Variants in WIPF3 observed in about 807,000 individuals in gnomAD.
The protein encoded by WIPF3 is WAS/WASL-interacting protein family member 3.
WIPF3 carries 33 observed loss-of-function variants against 38.9 expected under a neutral mutation model. That is an observed-to-expected ratio of 0.85 (90% CI 0.64 to 1.14). The LOEUF (loss-of-function observed/expected upper bound fraction) is 1.14, where lower values mean the gene tolerates loss of function less well. Among genes scored for constraint, WIPF3 ranks in the 50% most tolerant of loss-of-function variants. The probability of loss-of-function intolerance (pLI) is 0.00; values close to 1 mark genes in which losing one functional copy is unlikely to be tolerated. For synonymous variants in WIPF3, 324 were observed against 269.3 expected, an observed-to-expected ratio of 1.20 and a Z score of -1.99; for missense variants, 711 against 652.5, an observed-to-expected ratio of 1.09 and a Z score of -0.98.
At chr7:29,810,860 C>G (rs187812028) in intron 1 of WIPF3, among the ~76,000 whole-genome samples, 1 of 152,058 alleles carries the variant, frequency 6.6e-6, no homozygotes, top group East Asian at 1.9e-4. Context: ...TAGTATTTAT[C>G]TCATGTTTAA....
chr7:29,846,745 T>G (rs1432561174), intron 2 of WIPF3, among the ~76,000 whole-genome samples: 2 of 152,172 alleles, frequency 1.3e-5, no homozygotes, highest in African/African-American at 4.8e-5. Flanking sequence ...AAAAACAGGT[T>G]TAAACACGTT....
At chr7:29,888,291 T>G (rs1785927766) in intron 6 of WIPF3, 74 bp downstream of exon 6, 1 of 1,521,744 alleles carries the variant, frequency 6.6e-7, no homozygotes, top group South Asian at 1.3e-5. Context: ...GAGAGAGAGT[T>G]TGCTGGCCAC....
intron 1 of WIPF3, among the ~76,000 whole-genome samples, chr7:29,828,554 C>T (rs149577157): frequency 0.011 from 1,668 of 152,240 alleles, 15 homozygotes; most frequent in Non-Finnish European, 0.018. Flanking sequence ...TTGAACTTCG[C>T]GCAAAAATCT....
Position 29,857,465 on chromosome 7 carries a change from G to T in WIPF3, c.91-18365G>T, listed in dbSNP as rs550045869. 6.6e-5 allele frequency among the ~76,000 whole-genome samples: 10 copies of T among 152,108 alleles called. No homozygotes were observed. The South Asian group carries it at 2.1e-3, about 32-fold the overall frequency. On this transcript the variant is annotated intron_variant, in intron 2 of 8. Transcript: ENST00000242140. The stretch of plus-strand genomic sequence containing the variant: ...TTCCTACACCCTTTCCATAGTACTT[G>T]GCTTCTACAGATTTTTTTTTCTGGT...
intron 6 of WIPF3, 84 bp downstream of exon 6, chr7:29,888,301 CAGT>C: frequency 6.7e-7 from 1 of 1,491,516 alleles, no homozygotes; most frequent in Non-Finnish European, 9.0e-7. Context: ...TTGCTGGCCA[CAGT>C]GCTGCCATCT....
intron 1 of WIPF3, among the ~76,000 whole-genome samples, chr7:29,822,814 A>G (rs1352845460): frequency 6.6e-6 from 1 of 152,226 alleles, no homozygotes; most frequent in African/African-American, 2.4e-5. Context: ...ATGATTTCCA[A>G]GAAAAGGAAG....
At position 29,834,816 on chromosome 7, in the gene WIPF3, T is replaced by C; in HGVS notation, c.90+2T>C. On this transcript the variant is annotated splice_donor_variant, in intron 2 of 8. Coordinates refer to ENST00000242140, the MANE Select transcript of WIPF3 (RefSeq NM_001080529.3). LOFTEE classifies it high-confidence loss of function. ...CCTCCCCCACCATCAGCACCCCCGG[T>C]AAGACCTTTTTTTCTGATTGGTTTA... 4.0e-6 allele frequency: 5 copies of C among 1,242,260 alleles called. No individual in the cohort carries two copies. Among genetic ancestry groups the C allele is most frequent in the Non-Finnish European group, 5.3e-6 (5 of 938,424 alleles). The allele number at this position is 1,242,260 out of a possible 1,614,324, so 77.0% of individuals were successfully genotyped here.
At chr7:29,913,270 C>T (rs947060269) in intron 8 of WIPF3, among the ~76,000 whole-genome samples, 2 of 149,556 alleles carry the variant, frequency 1.3e-5, no homozygotes, top group African/African-American at 2.5e-5. Flanking sequence ...CGCTTGAACC[C>T]GTGGACGGAG....
chr7:29,863,472 G>C (rs972792243), intron 2 of WIPF3, among the ~76,000 whole-genome samples: 1 of 152,180 alleles, frequency 6.6e-6, no homozygotes, highest in South Asian at 2.1e-4. Context: ...GATTACTGTA[G>C]TTTACAGGAA....
chr7:29,824,026 A>C (rs1784578858), intron 1 of WIPF3, among the ~76,000 whole-genome samples: 2 of 152,254 alleles, frequency 1.3e-5, no homozygotes, highest in African/African-American at 4.8e-5. Context: ...ACACCAAGGC[A>C]GTGGCATTTG....
chr7:29,827,726 G>C (rs1784646438), intron 1 of WIPF3, among the ~76,000 whole-genome samples: 1 of 152,176 alleles, frequency 6.6e-6, no homozygotes, highest in South Asian at 2.1e-4. Flanking sequence ...GAGGAACAGT[G>C]TCAAAACATA....
At chr7:29,815,423 A>G (rs558173668) in intron 1 of WIPF3, among the ~76,000 whole-genome samples, 2 of 152,316 alleles carry the variant, frequency 1.3e-5, no homozygotes, top group African/African-American at 4.8e-5. Context: ...AAGAGTAGCC[A>G]GGGTTTATGC....
intron 1 of WIPF3, among the ~76,000 whole-genome samples, chr7:29,829,793 C>T (rs1462311209): frequency 6.6e-6 from 1 of 152,146 alleles, no homozygotes; most frequent in Non-Finnish European, 1.5e-5. Flanking sequence ...ATTCGGGCCT[C>T]GCGTGGAAGT....
chr7:29,831,156 T>C (rs1489214395), intron 1 of WIPF3, among the ~76,000 whole-genome samples: 1 of 152,246 alleles, frequency 6.6e-6, no homozygotes, highest in East Asian at 1.9e-4. Context: ...TTGTTGGTGG[T>C]TTTGCAGTTT....
intron 1 of WIPF3, among the ~76,000 whole-genome samples, chr7:29,809,862 A>C (rs766868935): frequency 1.1e-4 from 16 of 152,200 alleles, no homozygotes; most frequent in Non-Finnish European, 1.6e-4. Flanking sequence ...TTTCAAGTGC[A>C]TCTTGAAGGA....
chr7:29,901,028 G>C (rs1786264647), intron 7 of WIPF3, among the ~76,000 whole-genome samples: 2 of 152,322 alleles, frequency 1.3e-5, no homozygotes, highest in Admixed American at 1.3e-4. Context: ...GTTATTCTGG[G>C]TGGTTATGAA....
At chr7:29,816,684 A>C (rs1192972445) in intron 1 of WIPF3, among the ~76,000 whole-genome samples, 3 of 152,104 alleles carry the variant, frequency 2.0e-5, no homozygotes, top group Non-Finnish European at 4.4e-5. Flanking sequence ...CACAATGTGG[A>C]GATCATTCCA....
intron 1 of WIPF3, 75 bp from the exon 2 acceptor site, chr7:29,834,593 T>C: frequency 8.0e-7 from 1 of 1,257,442 alleles, no homozygotes; most frequent in Admixed American, 3.7e-5. Context: ...ATAATATGCA[T>C]GTCTGCAAGA....
At chr7:29,876,390 C>G (rs955979974) in intron 3 of WIPF3, among the ~76,000 whole-genome samples, 2 of 152,186 alleles carry the variant, frequency 1.3e-5, no homozygotes, top group South Asian at 4.1e-4. Context: ...AAGTCATTCC[C>G]CATTAGTCCC....
Sources: allele counts gnomAD v4.1 joint callset (sites outside exome capture counted in the v4.1 genomes callset), GRCh38; gene constraint gnomAD v4.1.1; transcripts MANE v1.5; gene names NCBI Gene and HGNC (gene_info 2026-07-23, HGNC 2026-07-21).